The following CACNA1E variants were observed in gnomAD, a reference collection of about 807,000 sequenced individuals.
CACNA1E encodes calcium voltage-gated channel subunit alpha1 E, also known as voltage-dependent R-type calcium channel subunit alpha-1E.
A neutral mutation model predicts 259.2 loss-of-function variants in CACNA1E; 40 were observed. That is an observed-to-expected ratio of 0.15 (90% CI 0.12 to 0.20). The LOEUF is 0.20. Ranked by LOEUF, CACNA1E falls within the 10% of genes least tolerant of loss-of-function variation. The pLI is 1.00. For synonymous variants in CACNA1E, 1,104 were observed against 1,138.5 expected, an observed-to-expected ratio of 0.97 and a Z score of 0.61; for missense variants, 1,874 against 3,040.1, an observed-to-expected ratio of 0.62 and a Z score of 9.02.
At chr1:181,693,140 A>C (rs1384877585) in intron 7 of CACNA1E, among the ~76,000 whole-genome samples, 3 of 151,094 alleles carry the variant, frequency 2.0e-5, no homozygotes, top group Middle Eastern at 3.2e-3. Flanking sequence ...AAAAAAAAAA[A>C]AAAAAAAAAA....
At chr1:181,529,607 C>G (rs1667623746) in intron 3 of CACNA1E, among the ~76,000 whole-genome samples, 1 of 152,182 alleles carries the variant, frequency 6.6e-6, no homozygotes. Flanking sequence ...TGGGGCTGCC[C>G]AAGACCATGG....
At chr1:181,387,192 T>G (rs1453821877) in intron 1 of CACNA1E, among the ~76,000 whole-genome samples, 1 of 152,076 alleles carries the variant, frequency 6.6e-6, no homozygotes, top group East Asian at 1.9e-4. Context: ...TTCTGTGCTG[T>G]GAGTGGGGTG....
chr1:181,766,489 G>A, intron 34 of CACNA1E, 57 bp from the exon 35 acceptor site: 1 of 1,313,792 alleles, frequency 7.6e-7, no homozygotes. Context: ...ACTGCAGGTT[G>A]TTGAGCTTGG....
At chr1:181,368,820 G>A (rs923839815) in intron 1 of CACNA1E, among the ~76,000 whole-genome samples, 25 of 152,212 alleles carry the variant, frequency 1.6e-4, no homozygotes. Context: ...GACAAATGAA[G>A]TATCTTGGAG....
chr1:181,396,242 C>T (rs1439230478), intron 1 of CACNA1E, among the ~76,000 whole-genome samples: 3 of 152,214 alleles, frequency 2.0e-5, no homozygotes, highest in African/African-American at 7.2e-5. Context: ...TCTTTTGTAC[C>T]TAACTGTGGT....
chr1:181,337,107 C>T (rs777686574), intron 1 of CACNA1E, among the ~76,000 whole-genome samples: 34 of 151,090 alleles, frequency 2.3e-4, no homozygotes, highest in Non-Finnish European at 4.1e-4. Context: ...TTAACATATT[C>T]TTCACCATAC....
chr1:181,515,317 G>A (rs1666492740), intron 3 of CACNA1E, among the ~76,000 whole-genome samples: 1 of 152,198 alleles, frequency 6.6e-6, no homozygotes, highest in Non-Finnish European at 1.5e-5. Context: ...GGTAAAGAAG[G>A]CATGTCACTT....
At chr1:181,396,214 C>G (rs1656672664) in intron 1 of CACNA1E, among the ~76,000 whole-genome samples, 1 of 152,190 alleles carries the variant, frequency 6.6e-6, no homozygotes, top group African/African-American at 2.4e-5. Context: ...AGGAGAGCAC[C>G]CCAGACGGAA....
intron 1 of CACNA1E, among the ~76,000 whole-genome samples, chr1:181,402,772 A>G (rs907180571): frequency 6.6e-6 from 1 of 152,192 alleles, no homozygotes; most frequent in Non-Finnish European, 1.5e-5. Flanking sequence ...ACACAGTCTT[A>G]TACCCAAGGG....
chr1:181,705,623 C>T (rs1652718214), intron 7 of CACNA1E, among the ~76,000 whole-genome samples: 2 of 152,194 alleles, frequency 1.3e-5, no homozygotes, highest in African/African-American at 4.8e-5. Flanking sequence ...AGGTTATCCT[C>T]CCTCAGAGGA....
At chr1:181,761,079 T>C (rs1315675175) in intron 32 of CACNA1E, among the ~76,000 whole-genome samples, 1 of 152,180 alleles carries the variant, frequency 6.6e-6, no homozygotes, top group Admixed American at 6.5e-5. Flanking sequence ...TTTATGAAAC[T>C]GTGTGATTCA....
chr1:181,797,843 C>T (rs1205537953), intron 47 of CACNA1E, among the ~76,000 whole-genome samples: 1 of 152,210 alleles, frequency 6.6e-6, no homozygotes, highest in East Asian at 1.9e-4. Flanking sequence ...GTTTCCCAGC[C>T]AGAGCAACTC....
At chr1:181,723,140 C>A (rs755697261) in intron 16 of CACNA1E, among the ~76,000 whole-genome samples, 2 of 152,124 alleles carry the variant, frequency 1.3e-5, no homozygotes, top group African/African-American at 4.8e-5. Flanking sequence ...CCTTCAGGAC[C>A]CTCACAAGAA....
At chr1:181,391,198 T>C (rs1656249485) in intron 1 of CACNA1E, among the ~76,000 whole-genome samples, 2 of 152,164 alleles carry the variant, frequency 1.3e-5, no homozygotes, top group African/African-American at 4.8e-5. Context: ...CTAAGGGTGG[T>C]TTAAAATTCT....
chr1:181,554,409 G>T (rs1324354434), intron 3 of CACNA1E, among the ~76,000 whole-genome samples: 3 of 152,212 alleles, frequency 2.0e-5, no homozygotes, highest in Non-Finnish European at 4.4e-5. Flanking sequence ...TTGTGTCAGT[G>T]TAGCAGATGA....
At chr1:181,719,121 C>A (rs1424931230) in intron 12 of CACNA1E, among the ~76,000 whole-genome samples, 2 of 152,180 alleles carry the variant, frequency 1.3e-5, no homozygotes, top group African/African-American at 4.8e-5. Context: ...TGTGTCCGTA[C>A]CTTTCGGCAT....
At chr1:181,756,431 T>A (rs1336586832) in intron 29 of CACNA1E, among the ~76,000 whole-genome samples, 2 of 152,164 alleles carry the variant, frequency 1.3e-5, no homozygotes, top group Non-Finnish European at 2.9e-5. Context: ...TAGACAGATT[T>A]ATCCTCCAGG....
chr1:181,733,623 C>T lies in CACNA1E; in HGVS notation c.3135C>T (p.Val1045=), dbSNP rs751578352. 6.8e-6 allele frequency: 11 copies of T among 1,612,990 alleles called. No individual in the cohort carries two copies. The highest frequency in any genetic ancestry group is 9.3e-6 in the Non-Finnish European group (11 of 1,179,598). The change falls in exon 21 of 48, where the codon GTC becomes GTT. Residue 1045 remains valine, a synonymous_variant. Coordinates refer to ENST00000367573, the MANE Select transcript of CACNA1E (RefSeq NM_001205293.3). ...ATGTGCAGCTAGACATGGGCCGGGTCATCAGCCAGAGCGAGCCTGACCTCT... is the reference window on the plus strand; with the variant it reads ...ATGTGCAGCTAGACATGGGCCGGGTTATCAGCCAGAGCGAGCCTGACCTCT... The part of the protein sequence containing the change: ...LGNVQLDMGR[V]ISQSEPDLSC...
intron 4 of CACNA1E, among the ~76,000 whole-genome samples, 151 bp downstream of exon 4, chr1:181,578,020 G>A (rs1336850887): frequency 1.3e-5 from 2 of 152,162 alleles, no homozygotes; most frequent in Non-Finnish European, 1.5e-5. Context: ...GAGCAATCTG[G>A]TGTAACATTT....
Sources: allele counts gnomAD v4.1 joint callset (sites outside exome capture counted in the v4.1 genomes callset), GRCh38; gene constraint gnomAD v4.1.1; transcripts MANE v1.5; gene names NCBI Gene and HGNC (gene_info 2026-07-23, HGNC 2026-07-21).